The following ADCY10 variants were observed in gnomAD, a reference collection of about 807,000 sequenced individuals.
ADCY10 encodes adenylate cyclase type 10.
In ADCY10, 156 loss-of-function variants were observed where a neutral mutation model predicts 183.3. That is an observed-to-expected ratio of 0.85 (90% confidence interval 0.75 to 0.97). The LOEUF (loss-of-function observed/expected upper bound fraction) is 0.97. Among genes scored for constraint, ADCY10 ranks in the 50% least tolerant of loss-of-function variants. The pLI, the probability that ADCY10 is intolerant of heterozygous loss-of-function variation, is 0.00. For missense variants in ADCY10, 1,745 were observed against 1,934.3 expected (o/e 0.90, Z 1.84); for synonymous variants, 645 against 670.0 (o/e 0.96, Z 0.58).
At chr1:167,905,510 C>G (rs909001428) in intron 1 of ADCY10, among the ~76,000 whole-genome samples, 1 of 151,934 alleles carries the variant, frequency 6.6e-6, no homozygotes, top group African/African-American at 2.4e-5. Context: ...CTGTTAAGCT[C>G]TATTCACTCA....
At chr1:167,880,073 T>C (rs749231606) in intron 11 of ADCY10, 42 bp downstream of exon 11, 1 of 1,549,280 alleles carries the variant, frequency 6.5e-7, no homozygotes, top group Non-Finnish European at 8.9e-7. Context: ...CAAGGTGCTG[T>C]GTTTGCAGAA....
At chr1:167,895,310 G>A (rs1160246271) in intron 7 of ADCY10, among the ~76,000 whole-genome samples, 1 of 152,096 alleles carries the variant, frequency 6.6e-6, no homozygotes, top group Non-Finnish European at 1.5e-5. Context: ...AGTGGGTAAT[G>A]TCATGAGGCT....
chr1:167,897,225 C>T (rs1669041233), intron 6 of ADCY10, among the ~76,000 whole-genome samples: 1 of 151,326 alleles, frequency 6.6e-6, no homozygotes, highest in South Asian at 2.1e-4. Flanking sequence ...AAACATCAGG[C>T]CTGTAATCCT....
intron 16 of ADCY10, among the ~76,000 whole-genome samples, chr1:167,859,224 G>T (rs1421095133): frequency 1.3e-5 from 2 of 152,168 alleles, no homozygotes; most frequent in Non-Finnish European, 2.9e-5. Flanking sequence ...GAGAGGTGGG[G>T]ACTGAAATAT....
intron 14 of ADCY10, among the ~76,000 whole-genome samples, chr1:167,863,132 A>C (rs1250285911): frequency 6.6e-6 from 1 of 152,134 alleles, no homozygotes; most frequent in African/African-American, 2.4e-5. Context: ...TTATACTCAG[A>C]AAAGGAAAGA....
chr1:167,906,899 GC>G (rs1265345195), intron 1 of ADCY10, among the ~76,000 whole-genome samples: 2 of 152,154 alleles, frequency 1.3e-5, no homozygotes, highest in Non-Finnish European at 2.9e-5. Context: ...ATTTTTAAAG[GC>G]TTTGTTGAAA....
intron 9 of ADCY10, among the ~76,000 whole-genome samples, chr1:167,882,695 TGTGTAGTGAGAGGTAGCCCA>T (rs1667953151): frequency 2.6e-5 from 4 of 151,748 alleles, no homozygotes; most frequent in Admixed American, 2.6e-4. Flanking sequence ...TGGAGACTTA[TGTGTAGTGAGAGGTAGCCCA>T]GCGTAGTGAG....
rs1662773273 is a variant in ADCY10 at position 167,819,839 on chromosome 1, A to G, written c.4287-1572T>C. ...CTCGGCCTCCCAAAGTGCTGGGATT[A>G]CAGGTGTCAGCCACCGCGCCCGGCA... On this transcript the variant is annotated intron_variant, in intron 30 of 32. Coordinates refer to ENST00000367851, the MANE Select transcript of ADCY10 (RefSeq NM_018417.6). The G allele has an allele frequency of 7.2e-6, 5 of 689,902 alleles. No homozygotes were observed. The African/African-American group carries it at 9.1e-5, about 13-fold the overall frequency. The allele number at this position is 689,902 out of a possible 1,614,324, so 42.7% of individuals were successfully genotyped here.
intron 12 of ADCY10, 60 bp downstream of exon 12, chr1:167,878,386 T>G (rs1667625773): frequency 1.3e-6 from 2 of 1,566,358 alleles, no homozygotes; most frequent in East Asian, 4.5e-5. Context: ...ACTGCTTTGC[T>G]ATCATAATTC....
In ADCY10 at chr1:167,893,956, G is replaced by A. The variant is rs773121370; in HGVS notation, c.740-15C>T. ...CCTCAGGAGGTCTAAGAAGGCAGAAGGAGGGTGCAGGCTCAGAGAGGGAAG... is the reference window on the plus strand; with the variant it reads ...CCTCAGGAGGTCTAAGAAGGCAGAAAGAGGGTGCAGGCTCAGAGAGGGAAG... On this transcript the variant is annotated splice_polypyrimidine_tract_variant and intron_variant, in intron 7 of 32. Coordinates refer to ENST00000367851, the MANE Select transcript of ADCY10 (RefSeq NM_018417.6). 2 of 1,600,902 alleles carry A rather than the reference G, an allele frequency of 1.2e-6. No homozygotes were observed. Among genetic ancestry groups the A allele is most frequent in the Non-Finnish European group, 8.6e-7 (1 of 1,168,382 alleles).
At chr1:167,905,477 AG>A (rs1487965359) in intron 1 of ADCY10, among the ~76,000 whole-genome samples, 1 of 152,218 alleles carries the variant, frequency 6.6e-6, no homozygotes, top group African/African-American at 2.4e-5. Context: ...AGGCCCTCGC[AG>A]GGCAAGTCCA....
chr1:167,894,488 G>T (rs1258492032), intron 7 of ADCY10, among the ~76,000 whole-genome samples: 1 of 152,066 alleles, frequency 6.6e-6, no homozygotes, highest in East Asian at 1.9e-4. Context: ...TCACTATAAA[G>T]ATTGATAGTT....
In ADCY10 at chr1:167,834,083, A is replaced by T. The variant is rs752506397; in HGVS notation, c.3310-6T>A. On this transcript the variant is annotated splice_polypyrimidine_tract_variant and splice_region_variant and intron_variant, in intron 23 of 32. Transcript: ENST00000367851. ...TCATTCAAATACATGTATGCCTGTAACCAGCCCAAGGAGTAGAAAAGTGTT... is the reference window on the plus strand; with the variant it reads ...TCATTCAAATACATGTATGCCTGTATCCAGCCCAAGGAGTAGAAAAGTGTT... 1 of 1,607,276 alleles carries T rather than the reference A, an allele frequency of 6.2e-7. No individual in the cohort carries two copies. Among genetic ancestry groups the T allele is most frequent in the East Asian group, 2.2e-5 (1 of 44,850 alleles).
chr1:167,867,191 C>A (rs949850017), intron 14 of ADCY10, among the ~76,000 whole-genome samples: 5 of 152,156 alleles, frequency 3.3e-5, no homozygotes, highest in African/African-American at 9.7e-5. Flanking sequence ...GTGGGCCCAA[C>A]CTCCAAAACC....
At chr1:167,814,414 A>G (rs1271960511) in intron 31 of ADCY10, among the ~76,000 whole-genome samples, 1 of 151,748 alleles carries the variant, frequency 6.6e-6, no homozygotes, top group African/African-American at 2.4e-5. Context: ...AGCAAAATAT[A>G]TATAACAATT....
chr1:167,849,232 T>C (rs1188270473), intron 18 of ADCY10, among the ~76,000 whole-genome samples: 1 of 152,210 alleles, frequency 6.6e-6, no homozygotes, highest in African/African-American at 2.4e-5. Context: ...ACACATTCTG[T>C]GAGGCACTGT....
chr1:167,820,322 C>G (rs996067722), intron 30 of ADCY10: 46 of 1,060,712 alleles, frequency 4.3e-5, no homozygotes, highest in Non-Finnish European at 5.0e-5. Flanking sequence ...GGGGACTAGC[C>G]GGCCTTGAGG....
intron 17 of ADCY10, among the ~76,000 whole-genome samples, chr1:167,855,260 C>T (rs372782263): frequency 3.3e-5 from 5 of 152,100 alleles, no homozygotes; most frequent in African/African-American, 1.2e-4. Flanking sequence ...GTGGAGGTTG[C>T]GGTGAGCCGA....
At chr1:167,904,628 A>C in intron 2 of ADCY10, 1 of 532,520 alleles carries the variant, frequency 1.9e-6, no homozygotes, top group Non-Finnish European at 3.3e-6. Context: ...TGGCAAGTTT[A>C]TTAGTAAGAT....
Sources: gnomAD v4.1 joint callset for allele counts (sites outside exome capture counted in the v4.1 genomes callset) on GRCh38, gnomAD v4.1.1 for gene constraint, MANE v1.5 for transcripts, NCBI Gene and HGNC (gene_info 2026-07-23, HGNC 2026-07-21) for gene names.